PDE7A: variants seen among roughly 807,000 people sequenced by gnomAD.
The protein encoded by PDE7A is high affinity 3',5'-cyclic-AMP phosphodiesterase 7A.
Under a neutral mutation model 64.3 loss-of-function variants are expected in PDE7A, and 39 were observed. That is an observed-to-expected ratio of 0.61 (90% CI 0.47 to 0.79). The LOEUF (loss-of-function observed/expected upper bound fraction) is 0.79. Ranked by LOEUF, PDE7A falls within the 30% of genes least tolerant of loss-of-function variation. The pLI, the probability that PDE7A is intolerant of heterozygous loss-of-function variation, is 0.00. For missense variants in PDE7A, 470 were observed against 582.8 expected (o/e 0.81, Z 1.99); for synonymous variants, 203 against 206.8 (o/e 0.98, Z 0.16).
At position 65,745,456 on chromosome 8, in the gene PDE7A, T is replaced by C; in HGVS notation, c.450A>G (p.Lys150=). The C allele has an allele frequency of 1.3e-6, 2 of 1,560,356 alleles. No individual in the cohort carries two copies. Among genetic ancestry groups the C allele is most frequent in the Non-Finnish European group, 1.8e-6 (2 of 1,131,200 alleles). Residue 150 remains lysine (K), a synonymous_variant, in exon 5 of 13, where the codon AAA becomes AAG. Transcript: ENST00000401827. ...YNGQAKCMLE[K]VGNWNFDIFL... ...AGATATCAAAATTCCAATTTCCAACTTTTTCCAGCATACACTGAAATGAAA... is the reference window on the plus strand; with the variant it reads ...AGATATCAAAATTCCAATTTCCAACCTTTTCCAGCATACACTGAAATGAAA...
chr8:65,801,597 C>T (rs556812136), intron 1 of PDE7A, among the ~76,000 whole-genome samples: 1 of 150,826 alleles, frequency 6.6e-6, no homozygotes, highest in South Asian at 2.1e-4. Flanking sequence ...ATATTCTACA[C>T]TCATTTAAAA....
intron 1 of PDE7A, chr8:65,789,031 CGAGGCAAAAGAGAG>C: frequency 6.5e-7 from 1 of 1,544,546 alleles, no homozygotes; most frequent in African/African-American, 1.4e-5. Flanking sequence ...CCAGCTGTCC[CGAGGCAAAAGAGAG>C]GGGACACTGA....
chr8:65,727,472 G>T, intron 7 of PDE7A, 171 bp from the exon 8 acceptor site: 1 of 814,952 alleles, frequency 1.2e-6, no homozygotes, highest in Non-Finnish European at 1.9e-6. Flanking sequence ...GCCAGGTCCT[G>T]ATCTCATCAC....
intron 1 of PDE7A, among the ~76,000 whole-genome samples, chr8:65,806,654 G>C (rs1041843454): frequency 1.3e-5 from 2 of 152,224 alleles, no homozygotes; most frequent in African/African-American, 4.8e-5. Flanking sequence ...CTCTGTGCAT[G>C]TAAGTGAATG....
intron 1 of PDE7A, among the ~76,000 whole-genome samples, chr8:65,824,826 G>A (rs1204343896): frequency 6.6e-6 from 1 of 152,146 alleles, no homozygotes; most frequent in Non-Finnish European, 1.5e-5. Context: ...ATATGCATGG[G>A]GAAACCAAAA....
rs193274834 is a variant in PDE7A at position 65,810,240 on chromosome 8, C to T, written c.139-27397G>A. On this transcript the variant is annotated intron_variant, in intron 1 of 12. Coordinates refer to ENST00000401827, the MANE Select transcript of PDE7A (RefSeq NM_001242318.3). Reference sequence around the variant, plus strand: ...GAAACCATCATTCTGAGTAAACTATCGCAAGGACAGAAAACCAAACACCGC... The same window carrying T: ...GAAACCATCATTCTGAGTAAACTATTGCAAGGACAGAAAACCAAACACCGC... Among the ~76,000 whole-genome samples the T allele has an allele frequency of 3.3e-3, 504 of 151,936 alleles. 4 individuals carry two copies. The highest frequency in any genetic ancestry group is 0.012 in the African/African-American group (480 of 41,410).
At chr8:65,829,057 TA>T (rs1810746281) in intron 1 of PDE7A, among the ~76,000 whole-genome samples, 1 of 152,144 alleles carries the variant, frequency 6.6e-6, no homozygotes, top group Non-Finnish European at 1.5e-5. Context: ...TCTTAAAATA[TA>T]TATTCACTAT....
intron 3 of PDE7A, among the ~76,000 whole-genome samples, chr8:65,764,260 C>T (rs190453833): frequency 1.3e-5 from 2 of 152,198 alleles, no homozygotes; most frequent in East Asian, 3.9e-4. Flanking sequence ...CTGAAACAAC[C>T]TGATATGACT....
chr8:65,766,266 A>C (rs1422471533), intron 3 of PDE7A, among the ~76,000 whole-genome samples: 1 of 152,226 alleles, frequency 6.6e-6, no homozygotes, highest in African/African-American at 2.4e-5. Flanking sequence ...TTTGACAAAA[A>C]AATCAATATG....
At chr8:65,740,684 AGC>A (rs1453256797) in intron 5 of PDE7A, among the ~76,000 whole-genome samples, 2 of 152,242 alleles carry the variant, frequency 1.3e-5, no homozygotes, top group South Asian at 4.1e-4. Context: ...TACAGGCGTG[AGC>A]TACCACGCCT....
chr8:65,731,611 T>G (rs1806891113), intron 7 of PDE7A: 1 of 152,200 alleles, frequency 6.6e-6, no homozygotes, highest in African/African-American at 2.4e-5. Context: ...CAAAATGCTT[T>G]ATAATCCACA....
chr8:65,719,483 T>A lies in PDE7A; in HGVS notation c.1256A>T (p.Tyr419Phe). 1.9e-6 allele frequency: 3 copies of A among 1,611,888 alleles called. No homozygotes were observed. In the South Asian group the frequency reaches 3.3e-5, roughly 18 times the overall value. Residue 419 changes from tyrosine to phenylalanine, a missense_variant, in exon 13 of 13, where the codon TAC becomes TTC. Transcript: ENST00000401827. ...IANIQIGFMT[Y>F]LVEPLFTEWA... The stretch of plus-strand genomic sequence containing the variant: ...TTCTGTAAATAAAGGCTCCACTAGG[T>A]AAGTCATAAAACCTTGAGAAAATAG...
chr8:65,804,058 T>C (rs1047678079), intron 1 of PDE7A, among the ~76,000 whole-genome samples: 1 of 152,180 alleles, frequency 6.6e-6, no homozygotes, highest in Non-Finnish European at 1.5e-5. Context: ...GAAAAATCTA[T>C]ATGACAAAGG....
rs71981429 is a variant in PDE7A, at chr8:65,743,839, CT to C, written c.499+1567del. Among the ~76,000 whole-genome samples, 960 of 144,992 alleles carry C rather than the reference CT, an allele frequency of 6.6e-3. 6 individuals carry two copies. Among genetic ancestry groups the C allele is most frequent in the African/African-American group, 0.016 (624 of 39,642 alleles). On this transcript the variant is annotated intron_variant, in intron 5 of 12. Transcript: ENST00000401827. ...CTGGGGCAAAACATTAGCTGAATTG[CT>C]TTTTTTTTTTTTGAGACAGTCTCGC...
chr8:65,837,700 G>A (rs952193590), intron 1 of PDE7A, among the ~76,000 whole-genome samples: 6 of 152,322 alleles, frequency 3.9e-5, no homozygotes, highest in African/African-American at 1.2e-4. Context: ...TTATATGCTA[G>A]TGATAAGCAA....
intron 1 of PDE7A, among the ~76,000 whole-genome samples, chr8:65,792,694 T>G (rs1809734026): frequency 6.6e-6 from 1 of 152,234 alleles, no homozygotes; most frequent in African/African-American, 2.4e-5. Flanking sequence ...CCTCCAACTG[T>G]GCTCTCATTG....
chr8:65,739,852 A>AT (rs1807329454), intron 5 of PDE7A, among the ~76,000 whole-genome samples: 1 of 152,140 alleles, frequency 6.6e-6, no homozygotes, highest in Non-Finnish European at 1.5e-5. Flanking sequence ...TTTCAAATAG[A>AT]TTAATTTTTT....
At chr8:65,726,186 G>A (rs1031208623) in intron 9 of PDE7A, among the ~76,000 whole-genome samples, 2 of 152,126 alleles carry the variant, frequency 1.3e-5, no homozygotes, top group Admixed American at 6.5e-5. Context: ...GTTTGCTGAC[G>A]TGCATTTTCC....
chr8:65,729,534 T>C lies in PDE7A; in HGVS notation c.697-2233A>G, dbSNP rs557821807. Among the ~76,000 whole-genome samples the C allele has an allele frequency of 3.9e-5, 6 of 152,124 alleles. No individual in the cohort carries two copies. The East Asian group carries it at 1.2e-3, about 29-fold the overall frequency. ...TAAAATGTCCTGAATCAGTATTGTATTTTTATTTTTCCTAATGATGCTACC... is the reference window on the plus strand; with the variant it reads ...TAAAATGTCCTGAATCAGTATTGTACTTTTATTTTTCCTAATGATGCTACC... On this transcript the variant is annotated intron_variant, in intron 7 of 12. Transcript: ENST00000401827.
Sources: gnomAD v4.1 joint callset for allele counts (sites outside exome capture counted in the v4.1 genomes callset) on GRCh38, gnomAD v4.1.1 for gene constraint, MANE v1.5 for transcripts, NCBI Gene and HGNC (gene_info 2026-07-23, HGNC 2026-07-21) for gene names.